Variants in PTH2R observed in about 807,000 individuals in gnomAD.
The protein encoded by PTH2R is parathyroid hormone 2 receptor.
A neutral mutation model predicts 60.3 loss-of-function variants in PTH2R; 59 were observed. The ratio of observed to expected loss-of-function variants is 0.98; its 90% CI spans 0.79 to 1.22. PTH2R has a LOEUF of 1.22. Ranked by LOEUF, PTH2R falls within the 50% of genes most tolerant of loss-of-function variation. The probability of loss-of-function intolerance (pLI) is 0.00; values close to 1 mark genes in which losing one functional copy is unlikely to be tolerated. For synonymous variants in PTH2R, 256 were observed against 243.8 expected (o/e 1.05, Z -0.47); for missense variants, 749 against 682.6 (o/e 1.10, Z -1.08).
At chr2:208,416,880 A>G (rs1178960894) in intron 1 of PTH2R, among the ~76,000 whole-genome samples, 1 of 152,168 alleles carries the variant, frequency 6.6e-6, no homozygotes, top group Non-Finnish European at 1.5e-5. Context: ...TTTGGAACTC[A>G]GACTGGCTCT....
chr2:208,416,687 T>A (rs942873362), intron 1 of PTH2R, among the ~76,000 whole-genome samples: 7 of 152,196 alleles, frequency 4.6e-5, no homozygotes, highest in Admixed American at 2.0e-4. Context: ...AACATTTGAG[T>A]CAGTGGGCTG....
chr2:208,480,036 T>C (rs932177894), intron 9 of PTH2R, among the ~76,000 whole-genome samples: 3 of 152,172 alleles, frequency 2.0e-5, no homozygotes, highest in African/African-American at 7.2e-5. Flanking sequence ...AAAGTTGTGA[T>C]TGTTGAGAGG....
chr2:208,442,918 C>T (rs906719166), intron 5 of PTH2R, among the ~76,000 whole-genome samples: 1 of 152,146 alleles, frequency 6.6e-6, no homozygotes, highest in Non-Finnish European at 1.5e-5. Context: ...AAATTTTGAG[C>T]ACCAATTCAG....
intron 1 of PTH2R, among the ~76,000 whole-genome samples, chr2:208,423,168 G>A (rs547707272): frequency 4.0e-5 from 6 of 151,326 alleles, no homozygotes; most frequent in Non-Finnish European, 8.8e-5. Context: ...TAGGTTCTCG[G>A]GGTGGGAGAT....
intron 7 of PTH2R, among the ~76,000 whole-genome samples, chr2:208,445,972 TC>T (rs1254473039): frequency 6.6e-6 from 1 of 152,184 alleles, no homozygotes; most frequent in Non-Finnish European, 1.5e-5. Context: ...TTTTTTAGGA[TC>T]CTTTGGAAAT....
rs376575155 is a variant in PTH2R at position 208,489,165 on chromosome 2, C to T, written c.1215+15C>T. The T allele has an allele frequency of 1.9e-6, 3 of 1,613,412 alleles. No homozygotes were observed. The African/African-American group carries it at 4.0e-5, about 22-fold the overall frequency. ...ACTCCTTTCAGGTAAAGGGTGCTGCCTAGTCATCTGATTCTTGTAATTTGC... is the reference window on the plus strand; with the variant it reads ...ACTCCTTTCAGGTAAAGGGTGCTGCTTAGTCATCTGATTCTTGTAATTTGC... On this transcript the variant is annotated intron_variant, in intron 11 of 12. Transcript: ENST00000272847.
intron 8 of PTH2R, among the ~76,000 whole-genome samples, chr2:208,455,517 C>T (rs1234461022): frequency 1.3e-5 from 2 of 152,204 alleles, no homozygotes; most frequent in Non-Finnish European, 2.9e-5. Flanking sequence ...TTGAATTCTA[C>T]AGTGCCCAGA....
At chr2:208,385,055 G>A (rs1019698591) in intron 1 of PTH2R, among the ~76,000 whole-genome samples, 3 of 152,094 alleles carry the variant, frequency 2.0e-5, no homozygotes, top group Admixed American at 2.0e-4. Flanking sequence ...AGAAATAAAA[G>A]CCCTGTACTT....
chr2:208,444,687 A>T (rs1328439665), intron 6 of PTH2R, 47 bp from the exon 7 acceptor site: 1 of 1,570,840 alleles, frequency 6.4e-7, no homozygotes, highest in African/African-American at 1.4e-5. Flanking sequence ...GGCATCCAGT[A>T]CAACAAAGTG....
At chr2:208,440,750 C>T (rs1200915576) in intron 4 of PTH2R, among the ~76,000 whole-genome samples, 1 of 152,212 alleles carries the variant, frequency 6.6e-6, no homozygotes, top group Non-Finnish European at 1.5e-5. Context: ...GTTAGAATCC[C>T]AAGGAGTAAG....
chr2:208,388,310 CCTT>C (rs927682181), intron 1 of PTH2R, among the ~76,000 whole-genome samples: 5 of 152,042 alleles, frequency 3.3e-5, no homozygotes, highest in African/African-American at 1.2e-4. Context: ...GAGCGAGACT[CCTT>C]CTCAAAAACA....
At chr2:208,457,388 A>G (rs1177616936) in intron 8 of PTH2R, among the ~76,000 whole-genome samples, 2 of 152,248 alleles carry the variant, frequency 1.3e-5, no homozygotes, top group Non-Finnish European at 2.9e-5. Context: ...CTTCAAGACA[A>G]TTGAATATGT....
intron 9 of PTH2R, among the ~76,000 whole-genome samples, chr2:208,467,943 A>G (rs1398997522): frequency 6.6e-6 from 1 of 152,198 alleles, no homozygotes; most frequent in African/African-American, 2.4e-5. Flanking sequence ...CTCTTCCCCC[A>G]TTTTCAACAG....
Position 208,493,529 on chromosome 2 carries a change from C to T in PTH2R, c.1523C>T (p.Ser508Phe), listed in dbSNP as rs1703460008. 6.2e-7 allele frequency: 1 copy of T among 1,613,994 alleles called. No individual in the cohort carries two copies. The highest frequency in any genetic ancestry group is 1.1e-5 in the South Asian group (1 of 91,044). Residue 508 changes from serine to phenylalanine, a missense_variant, in exon 13 of 13, where the codon TCT becomes TTT. Physicochemically the swap from Ser to Phe is radical, Grantham distance 155. Coordinates refer to ENST00000272847, the MANE Select transcript of PTH2R (RefSeq NM_005048.4). ...TCAGAGCAGGACTGCCTGCCACACTCTTTCCACGAGGAGACCAAGGAAGAT... is the reference window on the plus strand; with the variant it reads ...TCAGAGCAGGACTGCCTGCCACACTTTTTCCACGAGGAGACCAAGGAAGAT... ...SNSEQDCLPHSFHEETKEDSG... is the reference protein window; with the variant it reads ...SNSEQDCLPHFFHEETKEDSG...
chr2:208,426,810 C>T (rs1390711026), intron 1 of PTH2R, among the ~76,000 whole-genome samples: 1 of 152,326 alleles, frequency 6.6e-6, no homozygotes, highest in South Asian at 2.1e-4. Flanking sequence ...TCAATCAAGT[C>T]TCTTTCCTTA....
chr2:208,395,532 T>C (rs1246204281), intron 1 of PTH2R, among the ~76,000 whole-genome samples: 1 of 152,300 alleles, frequency 6.6e-6, no homozygotes, highest in South Asian at 2.1e-4. Flanking sequence ...TCCTAGAAGA[T>C]TGCAACGACA....
intron 2 of PTH2R, among the ~76,000 whole-genome samples, chr2:208,436,350 T>G (rs954001256): frequency 6.6e-6 from 1 of 152,186 alleles, no homozygotes; most frequent in Non-Finnish European, 1.5e-5. Context: ...TTATAAAAAC[T>G]TATGTTTTGA....
chr2:208,485,974 C>T (rs973713071), intron 10 of PTH2R, among the ~76,000 whole-genome samples: 2 of 152,146 alleles, frequency 1.3e-5, no homozygotes, highest in African/African-American at 2.4e-5. Flanking sequence ...CTGAGAAAAG[C>T]CTGCAGGTAT....
At chr2:208,408,400 A>G (rs1701462598) in intron 1 of PTH2R, among the ~76,000 whole-genome samples, 1 of 152,202 alleles carries the variant, frequency 6.6e-6, no homozygotes, top group South Asian at 2.1e-4. Flanking sequence ...TTTTTATCTC[A>G]TAAGATATTT....
Sources: gnomAD v4.1 joint callset for allele counts (sites outside exome capture counted in the v4.1 genomes callset) on GRCh38, gnomAD v4.1.1 for gene constraint, MANE v1.5 for transcripts, NCBI Gene and HGNC (gene_info 2026-07-23, HGNC 2026-07-21) for gene names.